Variants in COG5 observed in about 807,000 individuals in gnomAD.
The protein encoded by COG5 is component of oligomeric golgi complex 5, also known as conserved oligomeric Golgi complex subunit 5.
A neutral mutation model predicts 110.4 loss-of-function variants in COG5; 86 were observed. That is an observed-to-expected ratio of 0.78 (90% CI 0.65 to 0.93). The LOEUF (loss-of-function observed/expected upper bound fraction) is 0.93, where lower values mean the gene tolerates loss of function less well. Ranked by LOEUF, COG5 falls within the 40% of genes least tolerant of loss-of-function variation. COG5 has a pLI of 0.00. For missense variants in COG5, 1,077 were observed against 987.0 expected (o/e 1.09, Z -1.22); for synonymous variants, 360 against 334.6 (o/e 1.08, Z -0.83).
At chr7:107,520,701 T>C (rs917809659) in intron 6 of COG5, among the ~76,000 whole-genome samples, 1 of 152,100 alleles carries the variant, frequency 6.6e-6, no homozygotes, top group Non-Finnish European at 1.5e-5. Context: ...ATCAATACTG[T>C]GAAAATGGCC....
intron 6 of COG5, among the ~76,000 whole-genome samples, chr7:107,512,382 C>A (rs922183012): frequency 3.3e-5 from 5 of 152,280 alleles, no homozygotes; most frequent in African/African-American, 1.2e-4. Context: ...AGCCACTGCT[C>A]AGTGAAATAA....
intron 7 of COG5, among the ~76,000 whole-genome samples, chr7:107,389,818 C>T (rs1790488122): frequency 6.6e-6 from 1 of 152,190 alleles, no homozygotes. Flanking sequence ...CACTTTATGA[C>T]ACCTGGGACA....
In COG5 at chr7:107,280,366, C is replaced by G. The variant is rs114494542; in HGVS notation, c.1575+934G>C. 4.6e-3 allele frequency among the ~76,000 whole-genome samples: 705 copies of G among 152,200 alleles called. 8 individuals carry two copies. The highest frequency in any genetic ancestry group is 0.016 in the African/African-American group (678 of 41,560). On this transcript the variant is annotated intron_variant, in intron 14 of 21. Coordinates refer to ENST00000297135, the MANE Select transcript of COG5 (RefSeq NM_006348.5). ...AAAAGAAGGAAGCCTCGTAACATGA[C>G]TGTTACCTCCAAGGATCATTTTATG... is the stretch of plus-strand genomic sequence containing the variant.
chr7:107,219,594 T>C (rs1459482416), intron 19 of COG5, among the ~76,000 whole-genome samples: 1 of 152,078 alleles, frequency 6.6e-6, no homozygotes, highest in Non-Finnish European at 1.5e-5. Flanking sequence ...GAAACACAAA[T>C]ACCACATGGT....
chr7:107,265,123 A>C (rs906265492), intron 14 of COG5, among the ~76,000 whole-genome samples: 5 of 152,224 alleles, frequency 3.3e-5, no homozygotes, highest in African/African-American at 1.2e-4. Context: ...ATAAACATTA[A>C]AAGGATGCAA....
intron 19 of COG5, among the ~76,000 whole-genome samples, chr7:107,223,938 A>C (rs991599733): frequency 2.0e-5 from 3 of 152,218 alleles, no homozygotes; most frequent in African/African-American, 7.2e-5. Flanking sequence ...ACCAAATAAT[A>C]GTTGTCAGAA....
chr7:107,256,307 G>A (rs1802876749), intron 16 of COG5, among the ~76,000 whole-genome samples: 1 of 152,074 alleles, frequency 6.6e-6, no homozygotes. Context: ...AAGATGTTCA[G>A]CAAAATCCTT....
chr7:107,357,668 T>C lies in COG5; in HGVS notation c.1026+4365A>G, dbSNP rs181228831. Among the ~76,000 whole-genome samples, 180 of 152,216 alleles carry C rather than the reference T, an allele frequency of 1.2e-3. 2 individuals carry two copies. Among genetic ancestry groups the C allele is most frequent in the African/African-American group, 4.1e-3 (171 of 41,508 alleles). On this transcript the variant is annotated intron_variant, in intron 10 of 21. Transcript: ENST00000297135. ...TATGCATTTTCTTTCTCTCTTTCTCTCCTTCTCTCTCTTTCTTCCTGAAAG... is the reference window on the plus strand; with the variant it reads ...TATGCATTTTCTTTCTCTCTTTCTCCCCTTCTCTCTCTTTCTTCCTGAAAG...
chr7:107,243,272 G>A (rs1043009251), intron 17 of COG5, among the ~76,000 whole-genome samples: 8 of 151,962 alleles, frequency 5.3e-5, no homozygotes, highest in African/African-American at 1.7e-4. Flanking sequence ...CCAGCACCTT[G>A]GGAGGCCGAG....
At chr7:107,362,246 C>T (rs774389948) in intron 9 of COG5, 62 bp downstream of exon 9, 18 of 1,444,536 alleles carry the variant, frequency 1.2e-5, no homozygotes, top group Non-Finnish European at 1.7e-5. Context: ...CAAGGTCACA[C>T]AATTTGGAAT....
rs762863781 is a variant in COG5, at chr7:107,298,366, C to G, written c.1109-20G>C. 1 of 1,585,494 alleles carries G rather than the reference C, an allele frequency of 6.3e-7. No individual in the cohort carries two copies. The highest frequency in any genetic ancestry group is 8.7e-7 in the Non-Finnish European group (1 of 1,155,898). ...TCGAAGCTGCCAAGCAAAACAAGAA[C>G]ATGAATTAGAAAAATAATAAAATGT... On this transcript the variant is annotated intron_variant, in intron 11 of 21. Coordinates refer to ENST00000297135, the MANE Select transcript of COG5 (RefSeq NM_006348.5).
At chr7:107,563,558 G>GA (rs1804166912) in intron 1 of COG5, 2 of 418,390 alleles carry the variant, frequency 4.8e-6, no homozygotes, top group Non-Finnish European at 8.4e-6. Flanking sequence ...GGGGGGGGGG[G>GA]TCGAGTTGAA....
intron 14 of COG5, among the ~76,000 whole-genome samples, chr7:107,263,170 C>G (rs1803511096): frequency 6.6e-6 from 1 of 152,138 alleles, no homozygotes; most frequent in Non-Finnish European, 1.5e-5. Context: ...AAGTAGGCAC[C>G]TCAACTACTT....
chr7:107,392,029 T>C (rs552861205), intron 7 of COG5, among the ~76,000 whole-genome samples: 124 of 152,224 alleles, frequency 8.1e-4, no homozygotes, highest in African/African-American at 2.8e-3. Context: ...AGGTGGAGGT[T>C]GCAGTGAGCT....
chr7:107,546,437 T>TTTTTTTTTTG, intron 5 of COG5, among the ~76,000 whole-genome samples: 1 of 143,254 alleles, frequency 7.0e-6, no homozygotes, highest in South Asian at 2.2e-4. Flanking sequence ...GGTTTTTTGT[T>TTTTTTTTTTG]TTTTTTTTTT....
At chr7:107,237,656 T>C (rs1801305456) in intron 17 of COG5, among the ~76,000 whole-genome samples, 1 of 152,168 alleles carries the variant, frequency 6.6e-6, no homozygotes, top group African/African-American at 2.4e-5. Flanking sequence ...CAGAAGCAGA[T>C]AGAGATAGAA....
intron 16 of COG5, 148 bp from the exon 17 acceptor site, chr7:107,248,647 T>A (rs935397900): frequency 1.5e-6 from 1 of 658,828 alleles, no homozygotes; most frequent in African/African-American, 1.8e-5. Context: ...CTCCTCTCCC[T>A]AACCACTGTC....
At chr7:107,435,286 T>C (rs1387417574) in intron 6 of COG5, among the ~76,000 whole-genome samples, 1 of 152,100 alleles carries the variant, frequency 6.6e-6, no homozygotes, top group East Asian at 1.9e-4. Context: ...AGATGGGAAA[T>C]TACATGGTAT....
At chr7:107,289,604 T>C (rs1198400847) in intron 12 of COG5, among the ~76,000 whole-genome samples, 1 of 152,222 alleles carries the variant, frequency 6.6e-6, no homozygotes, top group Non-Finnish European at 1.5e-5. Flanking sequence ...GGCATTACCA[T>C]CTTAACAAGG....
Sources: allele counts gnomAD v4.1 joint callset (sites outside exome capture counted in the v4.1 genomes callset), GRCh38; gene constraint gnomAD v4.1.1; transcripts MANE v1.5; gene names NCBI Gene and HGNC (gene_info 2026-07-23, HGNC 2026-07-21).